RBFOX1: variants seen among roughly 807,000 people sequenced by gnomAD.
The protein encoded by RBFOX1 is RNA binding protein fox-1 homolog 1.
A neutral mutation model predicts 57.7 loss-of-function variants in RBFOX1; 8 were observed. The ratio of observed to expected loss-of-function variants is 0.14; its 90% confidence interval spans 0.08 to 0.25. RBFOX1 has a LOEUF of 0.25. Among genes scored for constraint, RBFOX1 ranks in the 10% least tolerant of loss-of-function variants. RBFOX1 has a pLI of 1.00. For missense variants in RBFOX1, 611 were observed against 548.5 expected, an observed-to-expected ratio of 1.11 and a Z score of -1.14; for synonymous variants, 326 against 222.4, an observed-to-expected ratio of 1.47 and a Z score of -4.15.
chr16:5,446,498 G>GGTCC (rs2068243113), intron 1 of RBFOX1, among the ~76,000 whole-genome samples: 1 of 151,928 alleles, frequency 6.6e-6, no homozygotes, highest in African/African-American at 2.4e-5. Context: ...CTCCCTAAAT[G>GGTCC]GTCCTCTGGA....
At chr16:6,783,496 C>A (rs554824885) in intron 3 of RBFOX1, among the ~76,000 whole-genome samples, 1 of 150,574 alleles carries the variant, frequency 6.6e-6, no homozygotes, top group East Asian at 1.9e-4. Flanking sequence ...AAGCTTAACT[C>A]TGGTCACAAA....
intron 1 of RBFOX1, among the ~76,000 whole-genome samples, chr16:5,307,677 A>C (rs2063974192): frequency 1.3e-5 from 2 of 152,082 alleles, no homozygotes; most frequent in South Asian, 4.2e-4. Context: ...TTTATGATGA[A>C]TTATTACTAC....
At chr16:7,579,421 C>T (rs1454480776) in intron 5 of RBFOX1, among the ~76,000 whole-genome samples, 2 of 152,132 alleles carry the variant, frequency 1.3e-5, no homozygotes, top group South Asian at 2.1e-4. Flanking sequence ...CTCCCAACCC[C>T]AGCAGCTCCC....
intron 4 of RBFOX1, among the ~76,000 whole-genome samples, chr16:7,387,056 C>T (rs908459791): frequency 6.6e-6 from 1 of 152,112 alleles, no homozygotes; most frequent in African/African-American, 2.4e-5. Context: ...ATATCCTTTG[C>T]CCACTTTTTG....
intron 1 of RBFOX1, among the ~76,000 whole-genome samples, chr16:5,335,178 C>T (rs989847549): frequency 6.9e-6 from 1 of 144,288 alleles, no homozygotes; most frequent in Non-Finnish European, 1.5e-5. Context: ...TGCCAGTTCA[C>T]CTCTCTGCAA....
intron 1 of RBFOX1, among the ~76,000 whole-genome samples, chr16:5,330,576 TG>T: frequency 6.6e-6 from 1 of 152,110 alleles, no homozygotes; most frequent in East Asian, 1.9e-4. Flanking sequence ...GGCTAATTTT[TG>T]TATTTCTAGT....
intron 5 of RBFOX1, among the ~76,000 whole-genome samples, chr16:7,522,908 C>A (rs1003100954): frequency 4.6e-5 from 7 of 152,178 alleles, no homozygotes; most frequent in Non-Finnish European, 8.8e-5. Context: ...AATGTACCTG[C>A]ATGCACAACC....
chr16:7,258,086 A>T (rs541905629), intron 4 of RBFOX1, among the ~76,000 whole-genome samples: 3 of 152,282 alleles, frequency 2.0e-5, no homozygotes, highest in Admixed American at 6.5e-5. Context: ...AGTTGGCCAT[A>T]TTCTGTTCAT....
intron 1 of RBFOX1, among the ~76,000 whole-genome samples, chr16:6,155,324 G>A (rs988757654): frequency 2.0e-5 from 3 of 152,172 alleles, no homozygotes; most frequent in East Asian, 1.9e-4. Flanking sequence ...GTTCAGCGCC[G>A]TGGAGCTGTG....
chr16:5,827,906 C>T (rs984023459), intron 3 of RBFOX1, among the ~76,000 whole-genome samples: 3 of 150,720 alleles, frequency 2.0e-5, no homozygotes, highest in Non-Finnish European at 3.0e-5. Context: ...TCCATCCATC[C>T]ATCCATCCAT....
At chr16:6,848,700 T>A (rs1854024764) in intron 3 of RBFOX1, among the ~76,000 whole-genome samples, 1 of 152,134 alleles carries the variant, frequency 6.6e-6, no homozygotes, top group South Asian at 2.1e-4. Flanking sequence ...ATGGATGGAA[T>A]GAGAGATAAT....
At chr16:7,583,284 G>A (rs2093917150) in intron 6 of RBFOX1, among the ~76,000 whole-genome samples, 1 of 151,886 alleles carries the variant, frequency 6.6e-6, no homozygotes, top group Non-Finnish European at 1.5e-5. Flanking sequence ...TCTGTGCAGT[G>A]GCATTGATAT....
intron 2 of RBFOX1, among the ~76,000 whole-genome samples, chr16:6,565,047 C>G (rs1338498030): frequency 1.4e-5 from 2 of 147,486 alleles, no homozygotes; most frequent in African/African-American, 2.5e-5. Flanking sequence ...ACAAGAATTG[C>G]TTGAACCCAG....
At chr16:7,653,976 T>A (rs779938611) in intron 12 of RBFOX1, 29 bp downstream of exon 12, 31 of 1,464,850 alleles carry the variant, frequency 2.1e-5, no homozygotes, top group Non-Finnish European at 2.7e-5. Context: ...TGGGTGGGCC[T>A]CCCTGCACCA....
chr16:6,986,387 C>T (rs867344534), intron 3 of RBFOX1, among the ~76,000 whole-genome samples: 8 of 151,814 alleles, frequency 5.3e-5, no homozygotes, highest in South Asian at 2.1e-4. Context: ...CTAGTAGAGA[C>T]GGGGTTTCAC....
intron 11 of RBFOX1, among the ~76,000 whole-genome samples, chr16:7,646,232 C>A (rs2063710003): frequency 6.6e-6 from 1 of 152,166 alleles, no homozygotes; most frequent in South Asian, 2.1e-4. Context: ...TTGCACGATG[C>A]CCTGCCTCGG....
At chr16:7,035,310 G>C (rs191270041) in intron 3 of RBFOX1, among the ~76,000 whole-genome samples, 3 of 152,216 alleles carry the variant, frequency 2.0e-5, no homozygotes, top group Admixed American at 1.3e-4. Context: ...CCATTTGACT[G>C]TGGTGCTGGC....
rs181958691 is a variant in RBFOX1, at chr16:6,849,906, A to G, written c.-16+195256A>G. On this transcript the variant is annotated intron_variant, in intron 3 of 15. Transcript: ENST00000550418. ...CTGATTTATAATTATTTGTGTGTGT[A>G]TATCTCCCAGTTGACTAGGAAGATG... 1.6e-3 allele frequency among the ~76,000 whole-genome samples: 239 copies of G among 152,276 alleles called. 1 individual carries two copies. The highest frequency in any genetic ancestry group is 2.9e-3 in the Non-Finnish European group (199 of 68,026).
chr16:6,780,425 T>TATATATTTATAG (rs1555461361), intron 3 of RBFOX1, among the ~76,000 whole-genome samples: 93 of 108,928 alleles, frequency 8.5e-4, no homozygotes, highest in Non-Finnish European at 1.4e-3. Flanking sequence ...TATATTTATA[T>TATATATTTATAG]ATATTTATAG....
Sources: allele counts gnomAD v4.1 joint callset (sites outside exome capture counted in the v4.1 genomes callset), GRCh38; gene constraint gnomAD v4.1.1; transcripts MANE v1.5; gene names NCBI Gene and HGNC (gene_info 2026-07-23, HGNC 2026-07-21).